VCAM1: variants seen among roughly 807,000 people sequenced by gnomAD.
The protein encoded by VCAM1 is vascular cell adhesion molecule 1, also known as vascular cell adhesion protein 1.
Under a neutral mutation model 63.8 loss-of-function variants are expected in VCAM1, and 41 were observed. The ratio of observed to expected loss-of-function variants is 0.64; its 90% CI spans 0.50 to 0.83. VCAM1 has a LOEUF of 0.83. Among genes scored for constraint, VCAM1 ranks in the 40% least tolerant of loss-of-function variants. The pLI is 0.00. For synonymous variants in VCAM1, 338 were observed against 320.7 expected, an observed-to-expected ratio of 1.05 and a Z score of -0.58; for missense variants, 798 against 875.5, an observed-to-expected ratio of 0.91 and a Z score of 1.12.
At position 100,738,110 on chromosome 1, in the gene VCAM1, T is replaced by G; in HGVS notation, c.2060-13T>G. The G allele has an allele frequency of 2.5e-6, 4 of 1,611,304 alleles. No homozygotes were observed. The highest frequency in any genetic ancestry group is 3.4e-6 in the Non-Finnish European group (4 of 1,178,914). On this transcript the variant is annotated splice_polypyrimidine_tract_variant and intron_variant, in intron 8 of 8. Coordinates refer to ENST00000294728, the MANE Select transcript of VCAM1 (RefSeq NM_001078.4). The stretch of plus-strand genomic sequence containing the variant: ...TACTAGACATTAATTGCATCCATTT[T>G]GTTATTTTCCAGGAAGAGAAAACAA...
chr1:100,724,565 A>T, intron 3 of VCAM1, 59 bp from the exon 4 acceptor site: 1 of 1,554,750 alleles, frequency 6.4e-7, no homozygotes, highest in South Asian at 1.2e-5. Context: ...GAAATACATT[A>T]CCTCTGTTGC....
In VCAM1 at chr1:100,729,121, G is replaced by A. The variant is rs1387402538; in HGVS notation, c.943G>A (p.Val315Ile). Residue 315 changes from valine (V) to isoleucine (I), a missense_variant, in exon 5 of 9, where the codon GTT (valine) becomes ATT (isoleucine). By Grantham distance (29) the Val-to-Ile change is conservative. Transcript: ENST00000294728. Reference protein sequence around the residue: ...ELIVQEKPFTVEISPGPRIAA... With the variant: ...ELIVQEKPFTIEISPGPRIAA... ...CTGTGTCCCAGAGAAACCATTTACT[G>A]TTGAGATCTCCCCTGGACCCCGGAT... The A allele has an allele frequency of 6.4e-7, 1 of 1,558,338 alleles. No individual in the cohort carries two copies. The highest frequency in any genetic ancestry group is 2.3e-5 in the East Asian group (1 of 43,788).
At chr1:100,724,532 G>A in intron 3 of VCAM1, 92 bp from the exon 4 acceptor site, 3 of 1,434,948 alleles carry the variant, frequency 2.1e-6, no homozygotes, top group Non-Finnish European at 2.8e-6. Flanking sequence ...CATCAAATTG[G>A]TGGAAGCACA....
At chr1:100,722,176 T>C (rs1395225991) in intron 2 of VCAM1, among the ~76,000 whole-genome samples, 1 of 152,092 alleles carries the variant, frequency 6.6e-6, no homozygotes, top group African/African-American at 2.4e-5. Context: ...TCATAATGCA[T>C]AATGAAAAAG....
rs768498546 is a variant in VCAM1 at position 100,720,452 on chromosome 1, TTCTG to T, written c.65-20_65-17del. On this transcript the variant is annotated intron_variant, in intron 1 of 8. Coordinates refer to ENST00000294728, the MANE Select transcript of VCAM1 (RefSeq NM_001078.4). The stretch of plus-strand genomic sequence containing the variant: ...CTAGACAAACTAGTGGTAAATTTGC[TTCTG>T]TCTTTTTTTGCTTTTGCAGCTCAAG... 5.0e-6 allele frequency: 8 copies of T among 1,598,304 alleles called. No homozygotes were observed. In the South Asian group the frequency reaches 6.7e-5, roughly 13 times the overall value.
chr1:100,730,627 G>C (rs1217330117), intron 5 of VCAM1, among the ~76,000 whole-genome samples: 1 of 152,134 alleles, frequency 6.6e-6, no homozygotes, highest in African/African-American at 2.4e-5. Flanking sequence ...GCACAGCTCT[G>C]TAAAACCAAA....
chr1:100,723,146 A>T lies in VCAM1; in HGVS notation c.467A>T (p.Asp156Val). Reference protein sequence around the residue: ...DRLEIDLLKGDHLMKSQEFLE... With the variant: ...DRLEIDLLKGVHLMKSQEFLE... ...CTGGAGATAGACTTACTGAAAGGAG[A>T]TCATCTCATGAAGAGTCAGGAATTT... Residue 156 changes from aspartate to valine, a missense_variant, in exon 3 of 9, where the codon GAT (aspartate) becomes GTT (valine). Transcript: ENST00000294728. 6.2e-7 allele frequency: 1 copy of T among 1,613,116 alleles called. No individual in the cohort carries two copies. The highest frequency in any genetic ancestry group is 1.1e-5 in the South Asian group (1 of 91,066).
rs1660140589 is a variant in VCAM1, at chr1:100,725,851, G to GTTTGGTATAGGTA, written c.928+962_928+963insTTGGTATAGGTAT. Reference sequence around the variant, plus strand: ...GTGATGTTTGGTATAGGTATACAATGTAGAATGATTAAGTCAAGTCAACAA... The same window carrying GTTTGGTATAGGTA: ...GTGATGTTTGGTATAGGTATACAATGTTTGGTATAGGTATAGAATGATTAAGTCAAGTCAACAA... On this transcript the variant is annotated intron_variant, in intron 4 of 8. Transcript: ENST00000294728. Among the ~76,000 whole-genome samples, 4 of 152,140 alleles carry GTTTGGTATAGGTA rather than the reference G, an allele frequency of 2.6e-5. No homozygotes were observed. In the South Asian group the frequency reaches 8.3e-4, roughly 32 times the overall value.
Position 100,734,668 on chromosome 1 carries a change from T to C in VCAM1, c.1959T>C (p.Tyr653=). 6.2e-7 allele frequency: 1 copy of C among 1,613,990 alleles called. No individual in the cohort carries two copies. ...DTVLKSIDGA[Y]TIRKAQLKDA... ...TACTAAAATCTATAGATGGCGCCTA[T>C]ACCATCCGAAAGGCCCAGTTGAAGG... Residue 653 remains tyrosine (Y), a synonymous_variant, in exon 8 of 9, where the codon TAT becomes TAC. Transcript: ENST00000294728.
chr1:100,723,417 A>G, intron 3 of VCAM1, 77 bp downstream of exon 3: 1 of 1,434,220 alleles, frequency 7.0e-7, no homozygotes, highest in Non-Finnish European at 9.4e-7. Context: ...CTTAGCAGAA[A>G]AGTAAAAAAA....
intron 4 of VCAM1, among the ~76,000 whole-genome samples, chr1:100,728,864 C>T (rs1220694341): frequency 2.0e-5 from 3 of 151,824 alleles, no homozygotes; most frequent in Non-Finnish European, 2.9e-5. Flanking sequence ...AGATAGCAAC[C>T]TCTCTTGACA....
In VCAM1 at chr1:100,720,747, C is replaced by G. The variant is rs773736719; in HGVS notation, c.336C>G (p.Ile112Met). The G allele has an allele frequency of 3.1e-6, 5 of 1,605,956 alleles. No homozygotes were observed. Among genetic ancestry groups the G allele is most frequent in the Non-Finnish European group, 1.7e-6 (2 of 1,174,120 alleles). Reference sequence around the variant, plus strand: ...TGGAAAAAGGAATCCAGGTGGAGATCTACTGTGAGTGCTTTAGAAAATCTT... The same window carrying G: ...TGGAAAAAGGAATCCAGGTGGAGATGTACTGTGAGTGCTTTAGAAAATCTT... The part of the protein sequence containing the change: ...RKLEKGIQVE[I>M]YSFPKDPEIH... The change falls in exon 2 of 9, where the codon ATC becomes ATG. Residue 112 changes from isoleucine to methionine, a missense_variant. Transcript: ENST00000294728.
Position 100,731,430 on chromosome 1 carries a change from A to T in VCAM1, c.1437A>T (p.Lys479Asn). ...TFIPTIEDTGKALVCQAKLHI... is the reference protein window; with the variant it reads ...TFIPTIEDTGNALVCQAKLHI... ...TCCCTACCATTGAAGATACTGGAAAAGCTCTTGTTTGTCAGGCTAAGTTAC... is the reference window on the plus strand; with the variant it reads ...TCCCTACCATTGAAGATACTGGAAATGCTCTTGTTTGTCAGGCTAAGTTAC... Residue 479 changes from lysine to asparagine, a missense_variant, in exon 6 of 9, where the codon AAA (lysine) becomes AAT (asparagine). Coordinates refer to ENST00000294728, the MANE Select transcript of VCAM1 (RefSeq NM_001078.4). The surrounding 1 kb of genome is among the most constrained non-coding windows in gnomAD (Gnocchi z 4.2). The T allele has an allele frequency of 6.2e-7, 1 of 1,613,822 alleles. No homozygotes were observed. Among genetic ancestry groups the T allele is most frequent in the Non-Finnish European group, 8.5e-7 (1 of 1,179,840 alleles).
rs199575282 is a variant in VCAM1, at chr1:100,732,499, G to A, written c.1607G>A (p.Ser536Asn). Residue 536 changes from serine (S) to asparagine (N), a missense_variant, in exon 7 of 9, where the codon AGC becomes AAC. Ser to Asn is a conservative substitution (Grantham distance 46). Transcript: ENST00000294728. ...AGTTCTGTGAATATGACATGCTTGA[G>A]CCAGGGCTTTCCTGCTCCGAAAATC... ...EGSSVNMTCL[S>N]QGFPAPKILW... 4.3e-6 allele frequency: 7 copies of A among 1,613,186 alleles called. No homozygotes were observed. In the Admixed American group the frequency reaches 1.2e-4, roughly 27 times the overall value.
chr1:100,721,140 TC>T (rs1240882286), intron 2 of VCAM1, among the ~76,000 whole-genome samples: 3 of 152,162 alleles, frequency 2.0e-5, no homozygotes, highest in Non-Finnish European at 4.4e-5. Context: ...TCAGGGATTT[TC>T]TATTCATTTA....
In VCAM1 at chr1:100,731,653, T is replaced by C. The variant is rs1371693034; in HGVS notation, c.1525+135T>C. 3 of 847,668 alleles carry C rather than the reference T, an allele frequency of 3.5e-6. No individual in the cohort carries two copies. Among genetic ancestry groups the C allele is most frequent in the Non-Finnish European group, 5.3e-6 (3 of 560,956 alleles). The allele number at this position is 847,668 out of a possible 1,614,324, so 52.5% of individuals were successfully genotyped here. A position where few individuals can be genotyped will look rare whatever the true frequency, so the allele number is the denominator to read the frequency against. Reference sequence around the variant, plus strand: ...TTACTGAAAAGAAATTTCAAAATAATGATGATTGTAACAAATCACCCTCCC... The same window carrying C: ...TTACTGAAAAGAAATTTCAAAATAACGATGATTGTAACAAATCACCCTCCC... On this transcript the variant is annotated intron_variant, in intron 6 of 8. Coordinates refer to ENST00000294728, the MANE Select transcript of VCAM1 (RefSeq NM_001078.4). This position sits in a 1 kb window ranked among gnomAD's most constrained non-coding sequence, Gnocchi z 4.2.
intron 8 of VCAM1, 89 bp downstream of exon 8, chr1:100,734,857 G>A: frequency 6.9e-7 from 1 of 1,452,882 alleles, no homozygotes; most frequent in Non-Finnish European, 9.3e-7. Context: ...TGAATGAGTT[G>A]GCAAAATGGA....
intron 7 of VCAM1, 85 bp from the exon 8 acceptor site, chr1:100,734,417 G>A (rs1571462088): frequency 1.4e-6 from 2 of 1,421,906 alleles, no homozygotes; most frequent in East Asian, 4.6e-5. Context: ...TAGCTCCAGG[G>A]AAGCTATTGT....
chr1:100,732,291 G>A lies in VCAM1; in HGVS notation c.1526-127G>A, dbSNP rs1660489308. ...TAAATGAGGACCAAAACCTCTTGTG[G>A]TGAATTATCAAGGTTTACAAACTCT... On this transcript the variant is annotated intron_variant, in intron 6 of 8. Transcript: ENST00000294728. 3.0e-6 allele frequency: 3 copies of A among 989,510 alleles called. No homozygotes were observed. The East Asian group carries it at 8.1e-5, about 27-fold the overall frequency. 61.3% of individuals were successfully genotyped at this position (989,510 alleles called of 1,614,324 possible).
Sources: gnomAD v4.1 joint callset for allele counts (sites outside exome capture counted in the v4.1 genomes callset) on GRCh38, gnomAD v4.1.1 for gene constraint, Gnocchi (gnomAD v3.1) non-coding constraint, MANE v1.5 for transcripts, NCBI Gene and HGNC (gene_info 2026-07-23, HGNC 2026-07-21) for gene names.